RANBP1: variants seen among roughly 807,000 people sequenced by gnomAD.
RANBP1 encodes the protein RAN binding protein 1.
RANBP1 carries 16 observed loss-of-function variants against 31.4 expected under a neutral mutation model. The observed-to-expected ratio is 0.51, with a 90% CI of 0.34 to 0.77. RANBP1 has a LOEUF of 0.77. Ranked by LOEUF, RANBP1 falls within the 30% of genes least tolerant of loss-of-function variation. The pLI, the probability that RANBP1 is intolerant of heterozygous loss-of-function variation, is 0.01. For missense variants in RANBP1, 265 were observed against 362.0 expected, an observed-to-expected ratio of 0.73 and a Z score of 2.17; for synonymous variants, 129 against 140.5, an observed-to-expected ratio of 0.92 and a Z score of 0.58.
intron 2 of RANBP1, 52 bp downstream of exon 2, chr22:20,119,201 C>T: frequency 1.3e-6 from 2 of 1,553,596 alleles, no homozygotes; most frequent in Non-Finnish European, 1.8e-6. Flanking sequence ...GAGGTTACAA[C>T]TTTTATGGGT....
intron 2 of RANBP1, among the ~76,000 whole-genome samples, chr22:20,119,835 A>G (rs1372629748): frequency 6.6e-6 from 1 of 152,158 alleles, no homozygotes; most frequent in Non-Finnish European, 1.5e-5. Context: ...ATACAACATG[A>G]TGCTTGCGAT....
chr22:20,126,913 CGTGCTTCT>C, intron 5 of RANBP1, 31 bp from the exon 6 acceptor site: 2 of 1,598,166 alleles, frequency 1.3e-6, no homozygotes, highest in Non-Finnish European at 1.7e-6. Flanking sequence ...TTGAATGCAC[CGTGCTTCT>C]GTTTTCTCAC....
chr22:20,121,813 A>G (rs374873840), intron 2 of RANBP1, among the ~76,000 whole-genome samples: 4 of 150,846 alleles, frequency 2.7e-5, no homozygotes, highest in African/African-American at 9.8e-5. Flanking sequence ...ATCTCCACTC[A>G]CTGTATCCTC....
intron 1 of RANBP1, chr22:20,116,995 T>C: frequency 1.3e-6 from 2 of 1,487,428 alleles, no homozygotes; most frequent in Non-Finnish European, 1.8e-6. Context: ...AAGTGGCCTG[T>C]CACAAGGGAA....
At position 20,116,692 on chromosome 22, in the gene RANBP1, CAG is replaced by C. The variant is rs1490458474; in HGVS notation, c.246+264_246+265del. ...CCCCCAAGCTTCCTTATGGGACACC[CAG>C]ACCTCCGTCGGTGCACTCTGCACTC... On this transcript the variant is annotated intron_variant, in intron 1 of 5. Transcript: ENST00000430524. 3 of 1,479,446 alleles carry C rather than the reference CAG, an allele frequency of 2.0e-6. No individual in the cohort carries two copies. The African/African-American group carries it at 4.2e-5, about 21-fold the overall frequency. 91.6% of individuals were successfully genotyped at this position (1,479,446 alleles called of 1,614,324 possible).
At chr22:20,118,398 C>T (rs927045371) in intron 1 of RANBP1, 1 of 955,970 alleles carries the variant, frequency 1.0e-6, no homozygotes, top group Non-Finnish European at 1.3e-6. Flanking sequence ...TCATGACTTT[C>T]ACCGGTACAA....
At chr22:20,116,648 T>C (rs1415824617) in intron 1 of RANBP1, 2 of 1,516,990 alleles carry the variant, frequency 1.3e-6, no homozygotes, top group African/African-American at 2.8e-5. Flanking sequence ...GGGTGAGGAC[T>C]AGGCCCTGGG....
Position 20,119,161 on chromosome 22 carries a change from G to C in RANBP1, c.383+12G>C. On this transcript the variant is annotated intron_variant, in intron 2 of 5. Coordinates refer to ENST00000430524, the MANE Select transcript of RANBP1 (RefSeq NM_001278639.2). ...GAACTTTTTAAAATGTAAGTAGGCT[G>C]ATGTCCCAGAAATAGGACTCTTTAA... 2 of 1,609,944 alleles carry C rather than the reference G, an allele frequency of 1.2e-6. No homozygotes were observed. Among genetic ancestry groups the C allele is most frequent in the Non-Finnish European group, 1.7e-6 (2 of 1,176,598 alleles).
At chr22:20,117,480 C>T in intron 1 of RANBP1, 7 of 1,224,342 alleles carry the variant, frequency 5.7e-6, no homozygotes, top group Non-Finnish European at 6.2e-6. Context: ...CGGCGCGTTT[C>T]CCGCCGCTGG....
In RANBP1 at chr22:20,116,428, G is replaced by A; in HGVS notation, c.244G>A (p.Glu82Lys). The A allele has an allele frequency of 6.2e-7, 1 of 1,612,684 alleles. No individual in the cohort carries two copies. The highest frequency in any genetic ancestry group is 2.2e-5 in the East Asian group (1 of 44,862). ...CTGCAGCTCCAGTTTAAAGATCTCAGAGGTAAACAAGTCATCCCTGATGTA... is the reference window on the plus strand; with the variant it reads ...CTGCAGCTCCAGTTTAAAGATCTCAAAGGTAAACAAGTCATCCCTGATGTA... ...TFCSSSLKISEDTHEDHDTST... is the reference protein window; with the variant it reads ...TFCSSSLKISKDTHEDHDTST... The change falls in exon 1 of 6, where the codon GAG becomes AAG. Residue 82 changes from glutamate to lysine, a missense_variant and splice_region_variant. Around this residue, in one of 3 missense-constraint regions of RANBP1, gnomAD observed 126 missense variants for 123.6 expected, o/e 1.02. Coordinates refer to ENST00000430524, the MANE Select transcript of RANBP1 (RefSeq NM_001278639.2).
intron 3 of RANBP1, among the ~76,000 whole-genome samples, chr22:20,123,894 C>T (rs765613894): frequency 6.6e-5 from 10 of 152,062 alleles, no homozygotes; most frequent in South Asian, 2.1e-4. Context: ...GAGTGTCATG[C>T]GTGTCCGGCG....
chr22:20,116,917 G>T, intron 1 of RANBP1: 9 of 1,594,782 alleles, frequency 5.6e-6, no homozygotes, highest in Non-Finnish European at 7.7e-6. Flanking sequence ...CGCCCAGGCG[G>T]TTCTCCGCCT....
intron 1 of RANBP1, chr22:20,116,833 C>CCTCCTCCCACCCCATCCCCGT (rs1282074103): frequency 6.5e-7 from 1 of 1,527,702 alleles, no homozygotes; most frequent in East Asian, 2.3e-5. Flanking sequence ...ACCCACCCCG[C>CCTCCTCCCACCCCATCCCCGT]CTCCTCCCAC....
rs749700582 is a variant in RANBP1 at position 20,127,004 on chromosome 22, T to G, written c.789T>G (p.Ala263=). The change falls in exon 6 of 6, where the codon GCT becomes GCG. Residue 263 remains alanine, a synonymous_variant. Coordinates refer to ENST00000430524, the MANE Select transcript of RANBP1 (RefSeq NM_001278639.2). The part of the protein sequence containing the change: ...HAEKVAEKLE[A]LSVKEETKED... ...AAAAAGTGGCGGAAAAGCTAGAAGC[T>G]CTCTCGGTGAAGGAGGAGACCAAGG... 2.6e-5 allele frequency: 42 copies of G among 1,613,628 alleles called. No homozygotes were observed. The highest frequency in any genetic ancestry group is 4.4e-5 in the South Asian group (4 of 91,044).
At position 20,116,122 on chromosome 22, in the gene RANBP1, A is replaced by G. The variant is rs201966436; in HGVS notation, c.-63A>G. ...ATAGGGCACTGTCCATAGAGGGGTCACCACGTCGGCCACTCGTGTTACTGG... is the reference window on the plus strand; with the variant it reads ...ATAGGGCACTGTCCATAGAGGGGTCGCCACGTCGGCCACTCGTGTTACTGG... On this transcript the variant is annotated 5_prime_UTR_variant, in exon 1 of 6. Transcript: ENST00000430524. 2.3e-4 allele frequency: 363 copies of G among 1,612,498 alleles called. No homozygotes were observed. Among genetic ancestry groups the G allele is most frequent in the Non-Finnish European group, 2.8e-4 (328 of 1,179,516 alleles).
In RANBP1 at chr22:20,117,035, G is replaced by A. The variant is rs949612403; in HGVS notation, c.246+605G>A. ...TCAGAGGGGAGGTGCTCACAGAGCC[G>A]GTGCAACGCCGCGAGGTCGCCGCCA... On this transcript the variant is annotated intron_variant, in intron 1 of 5. Coordinates refer to ENST00000430524, the MANE Select transcript of RANBP1 (RefSeq NM_001278639.2). 6 of 1,258,224 alleles carry A rather than the reference G, an allele frequency of 4.8e-6. No homozygotes were observed. The African/African-American group carries it at 9.0e-5, about 19-fold the overall frequency. The allele number at this position is 1,258,224 out of a possible 1,614,324, so 77.9% of individuals were successfully genotyped here.
At chr22:20,116,988 T>G (rs2050046864) in intron 1 of RANBP1, 4 of 1,492,188 alleles carry the variant, frequency 2.7e-6, no homozygotes, top group Non-Finnish European at 3.6e-6. Flanking sequence ...ACAAGGGAAG[T>G]GGCCTGTCAC....
chr22:20,125,553 T>C, intron 4 of RANBP1, 117 bp downstream of exon 4: 1 of 1,537,012 alleles, frequency 6.5e-7, no homozygotes, highest in Non-Finnish European at 8.7e-7. Flanking sequence ...AACTGGGAAG[T>C]GTGTCGTGTG....
intron 3 of RANBP1, among the ~76,000 whole-genome samples, chr22:20,123,145 G>A (rs949695874): frequency 5.1e-5 from 7 of 136,638 alleles, no homozygotes; most frequent in Admixed American, 2.8e-4. Flanking sequence ...CTGGGGGGCT[G>A]TGTGGTGTCT....
Sources: gnomAD v4.1 joint callset for allele counts (sites outside exome capture counted in the v4.1 genomes callset) on GRCh38, gnomAD v4.1.1 for gene constraint, gnomAD v4.1.1 regional missense constraint, MANE v1.5 for transcripts, NCBI Gene and HGNC (gene_info 2026-07-23, HGNC 2026-07-21) for gene names.